The following LHFPL3 variants were observed in gnomAD, a reference collection of about 807,000 sequenced individuals.
LHFPL3 encodes LHFPL tetraspan subfamily member 3, also known as LHFPL tetraspan subfamily member 3 protein.
In LHFPL3, 5 loss-of-function variants were observed where a neutral mutation model predicts 19.3. That is an observed-to-expected ratio of 0.26 (90% CI 0.14 to 0.54). LHFPL3 has a LOEUF of 0.54. Among genes scored for constraint, LHFPL3 ranks in the 20% least tolerant of loss-of-function variants. The pLI is 0.94. For missense variants in LHFPL3, 249 were observed against 307.4 expected (o/e 0.81, Z 1.42); for synonymous variants, 133 against 126.2 (o/e 1.05, Z -0.36).
intron 1 of LHFPL3, among the ~76,000 whole-genome samples, chr7:104,497,182 C>T (rs1793498431): frequency 6.6e-6 from 1 of 151,374 alleles, no homozygotes; most frequent in Admixed American, 6.6e-5. Context: ...AAAAAAAAAG[C>T]ATTCTTCCCA....
At chr7:104,699,888 T>G (rs373098162) in intron 1 of LHFPL3, among the ~76,000 whole-genome samples, 5 of 152,162 alleles carry the variant, frequency 3.3e-5, no homozygotes, top group African/African-American at 9.7e-5. Context: ...ATATCTGTAA[T>G]CCGTTCTGTC....
chr7:104,693,203 C>A (rs920122030), intron 1 of LHFPL3, among the ~76,000 whole-genome samples: 2 of 152,168 alleles, frequency 1.3e-5, no homozygotes, highest in Admixed American at 1.3e-4. Flanking sequence ...TGCCTGTACC[C>A]CCATTGTATC....
Position 104,328,712 on chromosome 7 carries a change from C to T in LHFPL3, c.-68C>T, listed in dbSNP as rs1801509533. ...CGCGCGAGGCTCCGTGAGTGTGTCTCCTGCGCGCTGAGAGGCGGGGGGAGG... is the reference window on the plus strand; with the variant it reads ...CGCGCGAGGCTCCGTGAGTGTGTCTTCTGCGCGCTGAGAGGCGGGGGGAGG... On this transcript the variant is annotated 5_prime_UTR_variant, in exon 1 of 3. Coordinates refer to ENST00000424859, the MANE Select transcript of LHFPL3 (RefSeq NM_199000.3). The surrounding 1 kb of genome is among the most constrained non-coding windows in gnomAD (Gnocchi z 4.6). The T allele has an allele frequency of 5.7e-6, 8 of 1,412,230 alleles. No homozygotes were observed. Among genetic ancestry groups the T allele is most frequent in the Middle Eastern group, 4.3e-4 (2 of 4,684 alleles). 87.5% of individuals were successfully genotyped at this position (1,412,230 alleles called of 1,614,324 possible). A position where few individuals can be genotyped will look rare whatever the true frequency, so the allele number is the denominator to read the frequency against.
chr7:104,774,189 G>A (rs1794605178), intron 2 of LHFPL3, among the ~76,000 whole-genome samples: 1 of 152,200 alleles, frequency 6.6e-6, no homozygotes. Flanking sequence ...AAAGGAGAAG[G>A]GACAGGAAGA....
chr7:104,361,165 C>A (rs961917633), intron 1 of LHFPL3, among the ~76,000 whole-genome samples: 2 of 152,168 alleles, frequency 1.3e-5, no homozygotes, highest in Non-Finnish European at 2.9e-5. Context: ...GCCCACTAAG[C>A]CTAAAATATT....
At chr7:104,589,276 G>T (rs1251765156) in intron 1 of LHFPL3, among the ~76,000 whole-genome samples, 4 of 152,252 alleles carry the variant, frequency 2.6e-5, no homozygotes, top group Non-Finnish European at 4.4e-5. Flanking sequence ...ATTATTTTGA[G>T]ATATGTTCCA....
At chr7:104,713,954 A>G (rs1001608528) in intron 1 of LHFPL3, among the ~76,000 whole-genome samples, 1 of 152,156 alleles carries the variant, frequency 6.6e-6, no homozygotes, top group African/African-American at 2.4e-5. Flanking sequence ...TCTAGCCTCC[A>G]TGTTCAAAGC....
chr7:104,490,564 G>A (rs1003344594), intron 1 of LHFPL3, among the ~76,000 whole-genome samples: 1 of 152,028 alleles, frequency 6.6e-6, no homozygotes, highest in Non-Finnish European at 1.5e-5. Context: ...ACCATTAGGC[G>A]CCTTAAAACA....
intron 2 of LHFPL3, among the ~76,000 whole-genome samples, chr7:104,749,263 C>T (rs866107172): frequency 2.4e-4 from 37 of 151,258 alleles, no homozygotes; most frequent in African/African-American, 8.8e-4. Flanking sequence ...CCTCTGCTTG[C>T]AGAAATGTAT....
chr7:104,512,625 A>G (rs1238881944), intron 1 of LHFPL3, among the ~76,000 whole-genome samples: 1 of 152,024 alleles, frequency 6.6e-6, no homozygotes, highest in Non-Finnish European at 1.5e-5. Flanking sequence ...AATCCCAGCT[A>G]CTCGGGAGGC....
intron 1 of LHFPL3, among the ~76,000 whole-genome samples, chr7:104,572,696 G>T (rs75212682): frequency 0.034 from 5,173 of 152,194 alleles, 270 homozygotes; most frequent in African/African-American, 0.12. Flanking sequence ...GCTTTTAAGG[G>T]TTGATCTTCT....
intron 1 of LHFPL3, chr7:104,470,204 G>GA: frequency 2.6e-6 from 1 of 390,462 alleles, no homozygotes; most frequent in Non-Finnish European, 5.2e-6. Context: ...GCAAGAAATG[G>GA]AAAAAAATGA....
intron 1 of LHFPL3, among the ~76,000 whole-genome samples, chr7:104,619,782 T>C (rs1278658012): frequency 6.6e-6 from 1 of 152,144 alleles, no homozygotes; most frequent in African/African-American, 2.4e-5. Context: ...TGTAATACAG[T>C]AGTCCCCAAT....
chr7:104,867,829 A>G (rs192854678), intron 2 of LHFPL3, among the ~76,000 whole-genome samples: 34,712 of 152,118 alleles, frequency 0.23, 4,261 homozygotes, highest in South Asian at 0.39. Context: ...AAAATCCTCA[A>G]TAAAATACTG....
chr7:104,335,256 T>C (rs1789772196), intron 1 of LHFPL3, among the ~76,000 whole-genome samples: 2 of 152,114 alleles, frequency 1.3e-5, no homozygotes, highest in South Asian at 4.1e-4. Flanking sequence ...TGCCAAGGAG[T>C]GACCCTAAAG....
chr7:104,422,517 G>A (rs1791754183), intron 1 of LHFPL3, among the ~76,000 whole-genome samples: 1 of 152,218 alleles, frequency 6.6e-6, no homozygotes, highest in Admixed American at 6.5e-5. Flanking sequence ...AAGCCAAGCT[G>A]TGTGGATTAT....
At chr7:104,465,508 G>A (rs1792761957) in intron 1 of LHFPL3, among the ~76,000 whole-genome samples, 1 of 152,230 alleles carries the variant, frequency 6.6e-6, no homozygotes, top group Non-Finnish European at 1.5e-5. Context: ...GAAGGAAAGA[G>A]ATTTAACTGA....
At chr7:104,894,047 T>C (rs370405611) in intron 2 of LHFPL3, among the ~76,000 whole-genome samples, 1 of 151,930 alleles carries the variant, frequency 6.6e-6, no homozygotes, top group African/African-American at 2.4e-5. Context: ...GAGAAAGAAG[T>C]AGAGTAATAG....
chr7:104,479,081 G>A (rs1584348197), intron 1 of LHFPL3, among the ~76,000 whole-genome samples: 1 of 152,266 alleles, frequency 6.6e-6, no homozygotes, highest in African/African-American at 2.4e-5. Context: ...GGCTGGGGTG[G>A]CTGTTATCTC....
Sources: gnomAD v4.1 joint callset for allele counts (sites outside exome capture counted in the v4.1 genomes callset) on GRCh38, gnomAD v4.1.1 for gene constraint, Gnocchi (gnomAD v3.1) non-coding constraint, MANE v1.5 for transcripts, NCBI Gene and HGNC (gene_info 2026-07-23, HGNC 2026-07-21) for gene names.